PLCL2: variants seen among roughly 807,000 people sequenced by gnomAD.
The protein encoded by PLCL2 is inactive phospholipase C-like protein 2.
In PLCL2, 4 loss-of-function variants were observed where a neutral mutation model predicts 79.6. The ratio of observed to expected loss-of-function variants is 0.05; its 90% confidence interval spans 0.02 to 0.11. The LOEUF (loss-of-function observed/expected upper bound fraction) is 0.11. Among genes scored for constraint, PLCL2 ranks in the 10% least tolerant of loss-of-function variants. PLCL2 has a pLI of 1.00. For missense variants in PLCL2, 895 were observed against 1,291.0 expected, an observed-to-expected ratio of 0.69 and a Z score of 4.70; for synonymous variants, 484 against 457.7, an observed-to-expected ratio of 1.06 and a Z score of -0.73.
rs1280507638 is a variant in PLCL2 at position 17,090,058 on chromosome 3, GTGAA to G, written c.*149_*152del. 6 of 1,384,190 alleles carry G rather than the reference GTGAA, an allele frequency of 4.3e-6. No individual in the cohort carries two copies. The African/African-American group carries it at 7.3e-5, about 17-fold the overall frequency. The allele number at this position is 1,384,190 out of a possible 1,614,324, so 85.7% of individuals were successfully genotyped here. A position where few individuals can be genotyped will look rare whatever the true frequency, so the allele number is the denominator to read the frequency against. ...TAGCTAATTACAGTCTATTAAAACTGTGAATGTATGTAGCAATCCTGCGTGTGAA... is the reference window on the plus strand; with the variant it reads ...TAGCTAATTACAGTCTATTAAAACTGTGTATGTAGCAATCCTGCGTGTGAA... On this transcript the variant is annotated 3_prime_UTR_variant, in exon 6 of 6. Transcript: ENST00000615277.
intron 1 of PLCL2, among the ~76,000 whole-genome samples, chr3:16,995,170 T>C (rs2064141294): frequency 6.6e-6 from 1 of 152,270 alleles, no homozygotes; most frequent in African/African-American, 2.4e-5. Flanking sequence ...CATGAATTTT[T>C]CCAGCCAGAG....
At chr3:16,986,489 C>T (rs547277663) in intron 1 of PLCL2, among the ~76,000 whole-genome samples, 7 of 152,230 alleles carry the variant, frequency 4.6e-5, no homozygotes, top group East Asian at 1.9e-4. Context: ...GCAACCCCCA[C>T]CGCCTGAGTT....
At chr3:16,897,843 CAT>C (rs1027820203) in intron 1 of PLCL2, among the ~76,000 whole-genome samples, 1 of 152,208 alleles carries the variant, frequency 6.6e-6, no homozygotes, top group Non-Finnish European at 1.5e-5. Flanking sequence ...ATCTATAAAA[CAT>C]ATTTTATTGG....
intron 1 of PLCL2, among the ~76,000 whole-genome samples, chr3:16,918,983 G>A (rs1314053177): frequency 6.6e-6 from 1 of 152,026 alleles, no homozygotes; most frequent in Admixed American, 6.6e-5. Context: ...GAAAACTCTG[G>A]ATTAAATAAA....
intron 1 of PLCL2, among the ~76,000 whole-genome samples, chr3:16,902,698 G>A (rs1696651119): frequency 6.6e-6 from 1 of 151,814 alleles, no homozygotes; most frequent in Non-Finnish European, 1.5e-5. Flanking sequence ...ATGGTGATGC[G>A]TGCCTGTAAT....
chr3:16,899,048 G>A (rs1575517392), intron 1 of PLCL2, among the ~76,000 whole-genome samples: 1 of 152,246 alleles, frequency 6.6e-6, no homozygotes, highest in Admixed American at 6.5e-5. Context: ...TCAAAAGGTG[G>A]TAGAGAGAAG....
chr3:16,982,301 AG>A (rs1374071030), intron 1 of PLCL2, among the ~76,000 whole-genome samples: 1 of 152,182 alleles, frequency 6.6e-6, no homozygotes, highest in Non-Finnish European at 1.5e-5. Context: ...ATTTTAAAGC[AG>A]GTTTTTAGGA....
At chr3:16,981,008 C>T (rs1056768481) in intron 1 of PLCL2, among the ~76,000 whole-genome samples, 3 of 152,236 alleles carry the variant, frequency 2.0e-5, no homozygotes, top group Admixed American at 1.3e-4. Flanking sequence ...TGGTGGCGCG[C>T]GCCTGCAATC....
intron 2 of PLCL2, among the ~76,000 whole-genome samples, chr3:17,014,238 G>T (rs560991506): frequency 1.3e-5 from 2 of 152,278 alleles, no homozygotes; most frequent in Admixed American, 6.5e-5. Context: ...GAGCCAGCAG[G>T]CATAAATAGA....
intron 1 of PLCL2, among the ~76,000 whole-genome samples, chr3:16,970,060 T>TA (rs2063844037): frequency 7.2e-6 from 1 of 139,584 alleles, no homozygotes; most frequent in Non-Finnish European, 1.6e-5. Flanking sequence ...ATATATATAT[T>TA]TTATTTTATT....
In PLCL2 at chr3:16,977,131, C is replaced by CAA. The variant is rs1553640622; in HGVS notation, c.328-32542_328-32541dup. Among the ~76,000 whole-genome samples the CAA allele has an allele frequency of 6.4e-3, 975 of 152,212 alleles. 12 individuals carry two copies. Among genetic ancestry groups the CAA allele is most frequent in the African/African-American group, 0.023 (934 of 41,506 alleles). On this transcript the variant is annotated intron_variant, in intron 1 of 5. Coordinates refer to ENST00000615277, the MANE Select transcript of PLCL2 (RefSeq NM_001144382.2). ...TTGAATACGCACACACACACACACACAATACATATACGTATATATACACAC... is the reference window on the plus strand; with the variant it reads ...TTGAATACGCACACACACACACACACAAAATACATATACGTATATATACACAC...
At chr3:16,991,615 A>G (rs2064106271) in intron 1 of PLCL2, among the ~76,000 whole-genome samples, 1 of 152,202 alleles carries the variant, frequency 6.6e-6, no homozygotes, top group Admixed American at 6.5e-5. Flanking sequence ...GTAGTGGGTC[A>G]CAAGATGAGA....
intron 3 of PLCL2, among the ~76,000 whole-genome samples, chr3:17,024,797 T>A (rs375928248): frequency 2.0e-5 from 3 of 152,222 alleles, no homozygotes; most frequent in African/African-American, 7.2e-5. Context: ...CTGCTCCCTA[T>A]TACTTGGGAC....
At position 17,065,518 on chromosome 3, in the gene PLCL2, C is replaced by T. The variant is rs180967901; in HGVS notation, c.3095-2438C>T. 2.0e-3 allele frequency among the ~76,000 whole-genome samples: 310 copies of T among 152,266 alleles called. 1 individual carries two copies. The highest frequency in any genetic ancestry group is 5.8e-3 in the African/African-American group (240 of 41,556). Reference sequence around the variant, plus strand: ...ACATTATGTGAGTTGGAATTAAGCCCAGTATACCAGTTCCTGTCATTGCCT... The same window carrying T: ...ACATTATGTGAGTTGGAATTAAGCCTAGTATACCAGTTCCTGTCATTGCCT... On this transcript the variant is annotated intron_variant, in intron 4 of 5. Transcript: ENST00000615277.
intron 1 of PLCL2, among the ~76,000 whole-genome samples, chr3:16,961,799 C>G (rs919482723): frequency 2.0e-5 from 3 of 152,060 alleles, no homozygotes; most frequent in African/African-American, 7.2e-5. Context: ...TGTGAAACCC[C>G]CATGTAGGAA....
intron 5 of PLCL2, among the ~76,000 whole-genome samples, chr3:17,073,377 T>C (rs933113569): frequency 6.6e-6 from 1 of 152,228 alleles, no homozygotes; most frequent in Non-Finnish European, 1.5e-5. Context: ...TTAAAAATGC[T>C]TTATTGCTAA....
At chr3:17,016,858 G>A (rs2064390656) in intron 3 of PLCL2, among the ~76,000 whole-genome samples, 2 of 152,154 alleles carry the variant, frequency 1.3e-5, no homozygotes, top group Admixed American at 1.3e-4. Context: ...TACCCCCTAA[G>A]ACATTTGCTT....
At chr3:16,992,098 T>C (rs1381361896) in intron 1 of PLCL2, among the ~76,000 whole-genome samples, 1 of 152,182 alleles carries the variant, frequency 6.6e-6, no homozygotes, top group Non-Finnish European at 1.5e-5. Flanking sequence ...TGGTGACATG[T>C]GATAGTAGTG....
intron 2 of PLCL2, among the ~76,000 whole-genome samples, chr3:17,014,454 CT>C (rs2064361668): frequency 6.6e-6 from 1 of 152,142 alleles, no homozygotes; most frequent in Non-Finnish European, 1.5e-5. Context: ...AAGCCTTGCC[CT>C]TCAGAAGAAT....
Sources: allele counts gnomAD v4.1 joint callset (sites outside exome capture counted in the v4.1 genomes callset), GRCh38; gene constraint gnomAD v4.1.1; transcripts MANE v1.5; gene names NCBI Gene and HGNC (gene_info 2026-07-23, HGNC 2026-07-21).